Variants in TENM2 observed in about 807,000 individuals in gnomAD.
The protein encoded by TENM2 is teneurin-2.
A neutral mutation model predicts 245.2 loss-of-function variants in TENM2; 52 were observed. The ratio of observed to expected loss-of-function variants is 0.21; its 90% CI spans 0.17 to 0.27. TENM2 has a LOEUF of 0.27. TENM2 is among the 10% of genes least tolerant of loss of function. TENM2 has a pLI of 1.00. For missense variants in TENM2, 3,046 were observed against 3,666.8 expected (o/e 0.83, Z 4.37); for synonymous variants, 1,363 against 1,438.9 (o/e 0.95, Z 1.19).
At chr5:167,749,610 C>T (rs1028890546) in intron 2 of TENM2, among the ~76,000 whole-genome samples, 1 of 148,592 alleles carries the variant, frequency 6.7e-6, no homozygotes, top group Non-Finnish European at 1.5e-5. Context: ...TGTACTCCAG[C>T]CTGGGTGAAA....
intron 4 of TENM2, among the ~76,000 whole-genome samples, chr5:167,981,295 A>G (rs1045604606): frequency 1.7e-4 from 26 of 152,174 alleles, no homozygotes; most frequent in African/African-American, 4.6e-4. Flanking sequence ...CCTGCATGCA[A>G]TATCTTCCCA....
the TENM2 span, among the ~76,000 whole-genome samples, chr5:167,232,695 C>G: frequency 6.6e-6 from 1 of 152,140 alleles, no homozygotes; most frequent in Admixed American, 6.5e-5. Context: ...TTATAAATTA[C>G]CCAGTCTTGG....
the TENM2 span, among the ~76,000 whole-genome samples, chr5:167,180,090 G>A: frequency 7.0e-6 from 1 of 142,862 alleles, no homozygotes; most frequent in Non-Finnish European, 1.5e-5. Context: ...GCCCTTTTCA[G>A]AGTAAGTGCT....
chr5:167,180,430 C>T, the TENM2 span, among the ~76,000 whole-genome samples: 1 of 152,118 alleles, frequency 6.6e-6, no homozygotes, highest in Non-Finnish European at 1.5e-5. Flanking sequence ...GCTATTTCTT[C>T]ATTCTTCCCG....
At chr5:167,971,653 A>G (rs933693716) in intron 4 of TENM2, among the ~76,000 whole-genome samples, 3 of 152,168 alleles carry the variant, frequency 2.0e-5, no homozygotes, top group African/African-American at 7.2e-5. Flanking sequence ...GTGAGCCAAG[A>G]TCGCGCCACT....
At chr5:167,874,358 G>A (rs1439830994) in intron 2 of TENM2, among the ~76,000 whole-genome samples, 2 of 152,076 alleles carry the variant, frequency 1.3e-5, no homozygotes, top group African/African-American at 2.4e-5. Flanking sequence ...CCCATAAATA[G>A]CATTAAATTC....
the TENM2 span, among the ~76,000 whole-genome samples, chr5:167,063,126 A>G: frequency 5.8e-4 from 89 of 152,236 alleles, no homozygotes; most frequent in Non-Finnish European, 8.1e-4. Context: ...CACTCCCTGT[A>G]TTTCAAGTAT....
the TENM2 span, among the ~76,000 whole-genome samples, chr5:167,276,689 C>A: frequency 5.3e-5 from 8 of 152,058 alleles, no homozygotes; most frequent in Non-Finnish European, 8.8e-5. Flanking sequence ...ATAACCTATG[C>A]ACATCCTTCT....
intron 4 of TENM2, among the ~76,000 whole-genome samples, chr5:167,990,215 G>A (rs939869433): frequency 2.6e-5 from 4 of 152,140 alleles, no homozygotes; most frequent in Non-Finnish European, 4.4e-5. Flanking sequence ...ATATGTTCTA[G>A]CGTTGTTATA....
At chr5:167,582,486 T>G (rs1775159167) in intron 2 of TENM2, among the ~76,000 whole-genome samples, 1 of 152,124 alleles carries the variant, frequency 6.6e-6, no homozygotes, top group African/African-American at 2.4e-5. Context: ...GGGCAAAAAT[T>G]CATGTCTAGA....
chr5:167,025,664 G>T, the TENM2 span, among the ~76,000 whole-genome samples: 1 of 152,044 alleles, frequency 6.6e-6, no homozygotes, highest in East Asian at 1.9e-4. Flanking sequence ...AGAACAAAAA[G>T]CACCTTGAGT....
At chr5:167,096,893 A>G in the TENM2 span, among the ~76,000 whole-genome samples, 5 of 152,168 alleles carry the variant, frequency 3.3e-5, no homozygotes, top group African/African-American at 1.2e-4. Context: ...GCCTAAACAC[A>G]TTTCGGTCTT....
At chr5:167,857,675 A>G (rs549812813) in intron 2 of TENM2, among the ~76,000 whole-genome samples, 3 of 152,348 alleles carry the variant, frequency 2.0e-5, no homozygotes, top group Admixed American at 2.0e-4. Context: ...TTTGGAAGAT[A>G]AGAGTCTAAT....
At chr5:167,436,897 CAGA>C (rs566522672) in intron 2 of TENM2, among the ~76,000 whole-genome samples, 105 of 152,354 alleles carry the variant, frequency 6.9e-4, no homozygotes, top group African/African-American at 2.1e-3. Context: ...GCCTACATTT[CAGA>C]AGATGTATGG....
intron 2 of TENM2, among the ~76,000 whole-genome samples, chr5:167,398,378 CT>C (rs1306595099): frequency 0.11 from 792 of 7,212 alleles, 10 homozygotes; most frequent in African/African-American, 0.42. Context: ...TTCTTTCTTC[CT>C]TTCTTTCTTT....
chr5:167,291,142 C>A (rs976836753), intron 1 of TENM2, among the ~76,000 whole-genome samples: 7 of 152,132 alleles, frequency 4.6e-5, no homozygotes, highest in Non-Finnish European at 8.8e-5. Context: ...ATTTAACTTT[C>A]TTTGAATTAC....
intron 6 of TENM2, among the ~76,000 whole-genome samples, chr5:168,057,047 T>G (rs55755459): frequency 0.19 from 28,136 of 151,726 alleles, 2,709 homozygotes; most frequent in Middle Eastern, 0.28. Flanking sequence ...TGTATATATA[T>G]AGAGAGAAAG....
the TENM2 span, among the ~76,000 whole-genome samples, chr5:167,070,135 TGAGACAG>T: frequency 2.0e-5 from 3 of 151,414 alleles, no homozygotes; most frequent in African/African-American, 7.3e-5. Context: ...ATTTATTTTT[TGAGACAG>T]AGTCTCACTC....
the TENM2 span, among the ~76,000 whole-genome samples, chr5:167,114,860 G>A: frequency 6.6e-6 from 1 of 152,220 alleles, no homozygotes; most frequent in Non-Finnish European, 1.5e-5. Context: ...ATAGTGGAGT[G>A]ACATTTGAAT....
Sources: gnomAD v4.1 joint callset for allele counts (sites outside exome capture counted in the v4.1 genomes callset) on GRCh38, gnomAD v4.1.1 for gene constraint, MANE v1.5 for transcripts, NCBI Gene and HGNC (gene_info 2026-07-23, HGNC 2026-07-21) for gene names.